Variants in MYRIP observed in about 807,000 individuals in gnomAD.
MYRIP encodes rab effector MyRIP.
MYRIP carries 49 observed loss-of-function variants against 98.0 expected under a neutral mutation model. That is an observed-to-expected ratio of 0.50 (90% CI 0.40 to 0.63). The LOEUF is 0.63. Among genes scored for constraint, MYRIP ranks in the 30% least tolerant of loss-of-function variants. The pLI is 0.00. For synonymous variants in MYRIP, 404 were observed against 409.5 expected (o/e 0.99, Z 0.16); for missense variants, 1,004 against 1,058.2 (o/e 0.95, Z 0.71).
intron 2 of MYRIP, among the ~76,000 whole-genome samples, chr3:39,959,600 C>T (rs1255384903): frequency 6.6e-6 from 1 of 151,424 alleles, no homozygotes; most frequent in Non-Finnish European, 1.5e-5. Flanking sequence ...TGCAGCACAC[C>T]AGCATGGCAC....
chr3:39,856,402 C>T (rs932222659), intron 1 of MYRIP, among the ~76,000 whole-genome samples: 1 of 152,158 alleles, frequency 6.6e-6, no homozygotes, highest in Non-Finnish European at 1.5e-5. Flanking sequence ...GTAGCCTTGC[C>T]CAATTGTGGA....
chr3:39,974,321 G>A (rs937485137), intron 2 of MYRIP, among the ~76,000 whole-genome samples: 1 of 152,114 alleles, frequency 6.6e-6, no homozygotes, highest in African/African-American at 2.4e-5. Flanking sequence ...TAAATTCCTG[G>A]ACACATACAC....
intron 3 of MYRIP, among the ~76,000 whole-genome samples, chr3:40,073,514 C>T (rs773110228): frequency 6.6e-6 from 1 of 152,206 alleles, no homozygotes; most frequent in Non-Finnish European, 1.5e-5. Flanking sequence ...TCTGTTGATG[C>T]GCATGCTGCG....
chr3:39,927,410 TAAGGGG>T (rs1357788416), intron 2 of MYRIP, among the ~76,000 whole-genome samples: 1 of 151,994 alleles, frequency 6.6e-6, no homozygotes, highest in African/African-American at 2.4e-5. Flanking sequence ...TTCCTATTTT[TAAGGGG>T]AATGCGTCCA....
At chr3:40,038,466 G>T (rs780269430) in intron 2 of MYRIP, among the ~76,000 whole-genome samples, 20 of 151,992 alleles carry the variant, frequency 1.3e-4, no homozygotes, top group Non-Finnish European at 2.9e-4. Flanking sequence ...CTAACTAAAA[G>T]CTAGTTATTT....
chr3:40,032,448 A>T (rs952989505), intron 2 of MYRIP, among the ~76,000 whole-genome samples: 2 of 151,980 alleles, frequency 1.3e-5, no homozygotes, highest in South Asian at 4.2e-4. Flanking sequence ...ACTTCCAACT[A>T]TGTGGTCAAT....
At chr3:39,885,675 T>A (rs958089918) in intron 1 of MYRIP, among the ~76,000 whole-genome samples, 4 of 152,088 alleles carry the variant, frequency 2.6e-5, no homozygotes, top group African/African-American at 9.7e-5. Flanking sequence ...GTCCCATATT[T>A]CTTGGAGGCT....
intron 2 of MYRIP, among the ~76,000 whole-genome samples, chr3:39,925,213 G>A (rs1944395657): frequency 6.6e-6 from 1 of 150,732 alleles, no homozygotes; most frequent in African/African-American, 2.5e-5. Flanking sequence ...AGACTCACAA[G>A]GGAAAAAAAG....
chr3:39,873,272 CT>C (rs1942862707), intron 1 of MYRIP, among the ~76,000 whole-genome samples: 1 of 151,888 alleles, frequency 6.6e-6, no homozygotes, highest in Admixed American at 6.6e-5. Flanking sequence ...TGAAAATTTT[CT>C]CCCATTTTGT....
intron 10 of MYRIP, among the ~76,000 whole-genome samples, chr3:40,207,030 G>C (rs1951807751): frequency 6.6e-6 from 1 of 152,150 alleles, no homozygotes; most frequent in South Asian, 2.1e-4. Flanking sequence ...CACCATGGCT[G>C]AGTTTGTAAC....
In MYRIP at chr3:40,074,241, A is replaced by AT. The variant is rs553313887; in HGVS notation, c.332+29976dup. Among the ~76,000 whole-genome samples, 7 of 152,006 alleles carry AT rather than the reference A, an allele frequency of 4.6e-5. No homozygotes were observed. In the South Asian group the frequency reaches 1.5e-3, roughly 32 times the overall value. ...AGGTGCCCACAACCACACCTGGCTAATTTTTTGTGTTTTTAGTAGAGACAG... is the reference window on the plus strand; with the variant it reads ...AGGTGCCCACAACCACACCTGGCTAATTTTTTTGTGTTTTTAGTAGAGACAG... On this transcript the variant is annotated intron_variant, in intron 3 of 16. Coordinates refer to ENST00000302541, the MANE Select transcript of MYRIP (RefSeq NM_015460.4).
chr3:40,171,220 AG>A (rs1487014006), intron 8 of MYRIP, among the ~76,000 whole-genome samples: 1 of 151,996 alleles, frequency 6.6e-6, no homozygotes, highest in Non-Finnish European at 1.5e-5. Context: ...GCAAGGCAGG[AG>A]GGGACACGGG....
chr3:40,252,007 T>G lies in MYRIP; in HGVS notation c.2547+8T>G. 1 of 1,577,328 alleles carries G rather than the reference T, an allele frequency of 6.3e-7. No homozygotes were observed. Among genetic ancestry groups the G allele is most frequent in the South Asian group, 1.1e-5 (1 of 90,240 alleles). Reference sequence around the variant, plus strand: ...ACCACCAAGGATTTGATGGTAAATGTCATCTCTGTCTTAATGTTCAACGCT... The same window carrying G: ...ACCACCAAGGATTTGATGGTAAATGGCATCTCTGTCTTAATGTTCAACGCT... On this transcript the variant is annotated splice_region_variant and intron_variant, in intron 16 of 16. Transcript: ENST00000302541.
intron 4 of MYRIP, among the ~76,000 whole-genome samples, chr3:40,156,588 T>C (rs1324086211): frequency 6.6e-6 from 1 of 151,930 alleles, no homozygotes; most frequent in Non-Finnish European, 1.5e-5. Context: ...TTGGGCAGTA[T>C]GGCCATTTTC....
intron 7 of MYRIP, among the ~76,000 whole-genome samples, chr3:40,169,414 A>T (rs1262838592): frequency 1.3e-5 from 2 of 152,140 alleles, no homozygotes; most frequent in East Asian, 3.9e-4. Flanking sequence ...GGACTCACTA[A>T]ATCCAAATGA....
At position 39,866,513 on chromosome 3, in the gene MYRIP, G is replaced by A. The variant is rs555423720; in HGVS notation, c.-30-34274G>A. 2.2e-4 allele frequency among the ~76,000 whole-genome samples: 33 copies of A among 151,924 alleles called. No homozygotes were observed. In the East Asian group the frequency reaches 4.1e-3, roughly 19 times the overall value. ...GAGACGGAGTTTCGCTCTTGTTGCC[G>A]AGGCTGGGGTGTAATGGTGTGATCT... On this transcript the variant is annotated intron_variant, in intron 1 of 16. Transcript: ENST00000302541.
intron 1 of MYRIP, among the ~76,000 whole-genome samples, chr3:39,826,139 C>T (rs1941257419): frequency 6.6e-6 from 1 of 150,874 alleles, no homozygotes; most frequent in African/African-American, 2.4e-5. Context: ...TTTTTGTTAT[C>T]TATTGTATTT....
chr3:40,196,357 T>C (rs1467737836), intron 10 of MYRIP, among the ~76,000 whole-genome samples: 1 of 152,230 alleles, frequency 6.6e-6, no homozygotes, highest in Non-Finnish European at 1.5e-5. Flanking sequence ...ATATAGCTAA[T>C]GAATTTTCCC....
chr3:40,220,921 C>T (rs1349926368), intron 11 of MYRIP, among the ~76,000 whole-genome samples: 1 of 151,718 alleles, frequency 6.6e-6, no homozygotes, highest in Non-Finnish European at 1.5e-5. Context: ...AATCACTTTC[C>T]ACCAGGCCCC....
Sources: gnomAD v4.1 joint callset for allele counts (sites outside exome capture counted in the v4.1 genomes callset) on GRCh38, gnomAD v4.1.1 for gene constraint, MANE v1.5 for transcripts, NCBI Gene and HGNC (gene_info 2026-07-23, HGNC 2026-07-21) for gene names.